Variants in FOXN1 observed in about 807,000 individuals in gnomAD.
FOXN1 encodes the protein forkhead box protein N1.
Under a neutral mutation model 49.0 loss-of-function variants are expected in FOXN1, and 15 were observed. That is an observed-to-expected ratio of 0.31 (90% CI 0.20 to 0.47). The LOEUF is 0.47. FOXN1 is among the 20% of genes least tolerant of loss of function. The probability of loss-of-function intolerance (pLI) is 1.00; values close to 1 mark genes in which losing one functional copy is unlikely to be tolerated. For synonymous variants in FOXN1, 356 were observed against 369.0 expected, an observed-to-expected ratio of 0.96 and a Z score of 0.40; for missense variants, 800 against 842.8, an observed-to-expected ratio of 0.95 and a Z score of 0.63.
intron 1 of FOXN1, among the ~76,000 whole-genome samples, chr17:28,520,261 A>G (rs959563767): frequency 3.9e-5 from 6 of 152,208 alleles, no homozygotes; most frequent in African/African-American, 1.4e-4. Flanking sequence ...AGGTTCCTGC[A>G]GTGAGCCCTT....
At chr17:28,529,321 C>G in intron 5 of FOXN1, 97 bp downstream of exon 5, 1 of 1,463,756 alleles carries the variant, frequency 6.8e-7, no homozygotes, top group African/African-American at 1.4e-5. Context: ...CCAGTAATGG[C>G]AGCAGGTGGA....
intron 3 of FOXN1, among the ~76,000 whole-genome samples, chr17:28,525,999 C>T (rs1014018674): frequency 1.3e-5 from 2 of 152,210 alleles, no homozygotes; most frequent in African/African-American, 4.8e-5. Flanking sequence ...ATTTAATCCC[C>T]TCAACAACAC....
chr17:28,524,669 A>G lies in FOXN1; in HGVS notation c.290A>G (p.Asp97Gly). Residue 97 changes from aspartate (D) to glycine (G), a missense_variant, in exon 3 of 9, where the codon GAC becomes GGC. Asp to Gly is a moderately conservative substitution (Grantham distance 94). Transcript: ENST00000579795. ...GGGCCCTTCAGGCTCTCACCCTCAG[A>G]CAAGTATCCTGGCTTTGGCTTTGAG... ...GPGPFRLSPS[D>G]KYPGFGFEEA... is the part of the protein sequence containing the mutation. The G allele has an allele frequency of 1.2e-6, 2 of 1,613,540 alleles. No individual in the cohort carries two copies. Among genetic ancestry groups the G allele is most frequent in the Non-Finnish European group, 8.5e-7 (1 of 1,179,870 alleles).
chr17:28,508,576 C>G (rs1377222723), intron 1 of FOXN1, among the ~76,000 whole-genome samples: 1 of 152,154 alleles, frequency 6.6e-6, no homozygotes, highest in Non-Finnish European at 1.5e-5. Context: ...GAGTTGACAC[C>G]TGGTCTTCAT....
At chr17:28,518,050 GTACACACCTCCACAGGA>G (rs1255074647) in intron 1 of FOXN1, among the ~76,000 whole-genome samples, 17 of 136,610 alleles carry the variant, frequency 1.2e-4, no homozygotes, top group East Asian at 8.8e-4. Context: ...CCTCCACAGG[GTACACACCTCCACAGGA>G]TACACACCTC....
intron 1 of FOXN1, among the ~76,000 whole-genome samples, chr17:28,509,787 C>T (rs1235866092): frequency 3.9e-5 from 6 of 152,304 alleles, no homozygotes; most frequent in Non-Finnish European, 7.4e-5. Flanking sequence ...AAAGCGGGGC[C>T]GGGGCAGGCT....
intron 1 of FOXN1, among the ~76,000 whole-genome samples, chr17:28,517,656 A>T (rs1347796750): frequency 1.5e-5 from 1 of 66,540 alleles, no homozygotes; most frequent in Non-Finnish European, 3.2e-5. Context: ...AGACCTCCAC[A>T]GGGTACACAC....
At chr17:28,511,897 C>T in intron 1 of FOXN1, among the ~76,000 whole-genome samples, 1 of 152,150 alleles carries the variant, frequency 6.6e-6, no homozygotes, top group East Asian at 1.9e-4. Context: ...TCCAACATCC[C>T]TGTTGGTCTC....
rs546533059 is a variant in FOXN1 at position 28,511,302 on chromosome 17, T to C, written c.-15+4859T>C. Among the ~76,000 whole-genome samples, 40 of 152,336 alleles carry C rather than the reference T, an allele frequency of 2.6e-4. 1 individual carries two copies. The South Asian group carries it at 8.1e-3, about 31-fold the overall frequency. The stretch of plus-strand genomic sequence containing the variant: ...GTGGTGGCAGAATTAATATCCTTAA[T>C]AATAGATTGGTATTAATGAGCAGTT... On this transcript the variant is annotated intron_variant, in intron 1 of 8. Coordinates refer to ENST00000579795, the MANE Select transcript of FOXN1 (RefSeq NM_001369369.1).
At position 28,534,876 on chromosome 17, in the gene FOXN1, C is replaced by A; in HGVS notation, c.1305C>A (p.Gly435=). The part of the protein sequence containing the change: ...SLHPAPGPIP[G]KNPLQDLLMG... ...ACCCAGCTCCAGGCCCCATTCCTGGCAAGAACCCCCTGCAGGACCTACTTA... is the reference window on the plus strand; with the variant it reads ...ACCCAGCTCCAGGCCCCATTCCTGGAAAGAACCCCCTGCAGGACCTACTTA... The change falls in exon 8 of 9, where the codon GGC becomes GGA. Residue 435 remains glycine (G), a synonymous_variant. Transcript: ENST00000579795. This position sits in a 1 kb window ranked among gnomAD's most constrained non-coding sequence, Gnocchi z 4.1. 1 of 1,614,088 alleles carries A rather than the reference C, an allele frequency of 6.2e-7. No individual in the cohort carries two copies. Among genetic ancestry groups the A allele is most frequent in the East Asian group, 2.2e-5 (1 of 44,878 alleles).
chr17:28,529,031 G>C (rs2069841532), intron 4 of FOXN1, 63 bp from the exon 5 acceptor site: 30 of 1,607,288 alleles, frequency 1.9e-5, no homozygotes, highest in Non-Finnish European at 2.5e-5. Context: ...TAAATGGGGA[G>C]GAGGGCCCTC....
Position 28,524,745 on chromosome 17 carries a change from C to T in FOXN1, c.366C>T (p.Pro122=), listed in dbSNP as rs751230017. The part of the protein sequence containing the change: ...PGRFLKGSHA[P]FHPYKRPFHE... ...GATTCCTCAAGGGCAGCCACGCGCCCTTCCACCCGTACAAGCGGCCTTTCC... is the reference window on the plus strand; with the variant it reads ...GATTCCTCAAGGGCAGCCACGCGCCTTTCCACCCGTACAAGCGGCCTTTCC... The change falls in exon 3 of 9, where the codon CCC becomes CCT. Residue 122 remains proline, a synonymous_variant. Transcript: ENST00000579795. 30 of 1,613,188 alleles carry T rather than the reference C, an allele frequency of 1.9e-5. 1 individual carries two copies. The South Asian group carries it at 3.3e-4, about 18-fold the overall frequency.
chr17:28,520,969 C>T (rs76979848), intron 1 of FOXN1, among the ~76,000 whole-genome samples: 29,043 of 152,188 alleles, frequency 0.19, 2,916 homozygotes, highest in Middle Eastern at 0.24. Context: ...CCTGAGGCAA[C>T]GAGAGCATCA....
At chr17:28,530,121 C>T (rs1216845902) in intron 5 of FOXN1, among the ~76,000 whole-genome samples, 3 of 151,544 alleles carry the variant, frequency 2.0e-5, no homozygotes, top group Non-Finnish European at 4.4e-5. Flanking sequence ...CACCATAGCA[C>T]GGGTATACCT....
chr17:28,529,122 T>C lies in FOXN1; in HGVS notation c.728T>C (p.Ile243Thr), dbSNP rs2069844041. The C allele has an allele frequency of 1.9e-6, 3 of 1,613,930 alleles. No homozygotes were observed. The highest frequency in any genetic ancestry group is 2.5e-6 in the Non-Finnish European group (3 of 1,179,980). The change falls in exon 5 of 9, where the codon ATA becomes ACA. Residue 243 changes from isoleucine (I) to threonine (T), a missense_variant. Ile to Thr is a moderately conservative substitution (Grantham distance 89). Coordinates refer to ENST00000579795, the MANE Select transcript of FOXN1 (RefSeq NM_001369369.1). The stretch of plus-strand genomic sequence containing the variant: ...TCGCCAGGTGGTGGCAGCTACCCCA[T>C]ACCCTACCTGGGCTCCTCACACTAT... Reference protein sequence around the residue: ...QYSPGGGSYPIPYLGSSHYQY... With the variant: ...QYSPGGGSYPTPYLGSSHYQY...
In FOXN1 at chr17:28,534,597, A is replaced by C; in HGVS notation, c.1135+59A>C. ...AGGGTACTCATGAGCCAAAAAAAAAAAAAAGAGAGAATCAGAGAATGAGGC... is the reference window on the plus strand; with the variant it reads ...AGGGTACTCATGAGCCAAAAAAAAACAAAAGAGAGAATCAGAGAATGAGGC... On this transcript the variant is annotated intron_variant, in intron 7 of 8. Coordinates refer to ENST00000579795, the MANE Select transcript of FOXN1 (RefSeq NM_001369369.1). The surrounding 1 kb of genome is among the most constrained non-coding windows in gnomAD (Gnocchi z 4.1). 1 of 1,593,130 alleles carries C rather than the reference A, an allele frequency of 6.3e-7. No individual in the cohort carries two copies. Among genetic ancestry groups the C allele is most frequent in the South Asian group, 1.1e-5 (1 of 87,976 alleles).
At chr17:28,517,197 A>C (rs1407178920) in intron 1 of FOXN1, among the ~76,000 whole-genome samples, 26 of 119,732 alleles carry the variant, frequency 2.2e-4, no homozygotes, top group East Asian at 7.5e-4. Flanking sequence ...TCCACAGGAT[A>C]CACACCTCCA....
chr17:28,528,723 T>G (rs2069832371), intron 4 of FOXN1, among the ~76,000 whole-genome samples: 1 of 152,198 alleles, frequency 6.6e-6, no homozygotes, highest in Non-Finnish European at 1.5e-5. Context: ...CTGGACATCC[T>G]GCTTCCGGCC....
intron 6 of FOXN1, 28 bp downstream of exon 6, chr17:28,530,873 T>C (rs1022000988): frequency 5.5e-6 from 7 of 1,282,938 alleles, no homozygotes; most frequent in Admixed American, 3.4e-5. Context: ...CCCCATCCCA[T>C]CACCCCCAAG....
Sources: gnomAD v4.1 joint callset for allele counts (sites outside exome capture counted in the v4.1 genomes callset) on GRCh38, gnomAD v4.1.1 for gene constraint, Gnocchi (gnomAD v3.1) non-coding constraint, MANE v1.5 for transcripts, NCBI Gene and HGNC (gene_info 2026-07-23, HGNC 2026-07-21) for gene names.